Variants in ATP8B4 observed in about 807,000 individuals in gnomAD.
ATP8B4 encodes the protein probable phospholipid-transporting ATPase IM.
In ATP8B4, 133 loss-of-function variants were observed where a neutral mutation model predicts 145.6. The observed-to-expected ratio is 0.91, with a 90% confidence interval of 0.79 to 1.05. The LOEUF (loss-of-function observed/expected upper bound fraction) is 1.05, where lower values mean the gene tolerates loss of function less well. Among genes scored for constraint, ATP8B4 ranks in the 50% least tolerant of loss-of-function variants. The pLI, the probability that ATP8B4 is intolerant of heterozygous loss-of-function variation, is 0.00. For synonymous variants in ATP8B4, 507 were observed against 492.9 expected, an observed-to-expected ratio of 1.03 and a Z score of -0.38; for missense variants, 1,458 against 1,425.2, an observed-to-expected ratio of 1.02 and a Z score of -0.37.
intron 2 of ATP8B4, among the ~76,000 whole-genome samples, chr15:50,106,452 G>T (rs1285115221): frequency 6.6e-6 from 1 of 152,172 alleles, no homozygotes; most frequent in Non-Finnish European, 1.5e-5. Flanking sequence ...CTGCTATCAT[G>T]ATCAAAATTA....
At chr15:50,173,170 C>T (rs1452171942) in intron 1 of ATP8B4, among the ~76,000 whole-genome samples, 2 of 152,090 alleles carry the variant, frequency 1.3e-5, no homozygotes, top group East Asian at 1.9e-4. Flanking sequence ...CCCCTCTGCC[C>T]GGCCGCCACC....
chr15:50,072,436 T>C (rs2053802102), intron 3 of ATP8B4, among the ~76,000 whole-genome samples: 1 of 152,160 alleles, frequency 6.6e-6, no homozygotes, highest in Non-Finnish European at 1.5e-5. Context: ...TGAAGGCCCA[T>C]GATGTAATTC....
At chr15:49,968,149 C>T (rs1252539655) in intron 13 of ATP8B4, among the ~76,000 whole-genome samples, 1 of 152,126 alleles carries the variant, frequency 6.6e-6, no homozygotes, top group Non-Finnish European at 1.5e-5. Flanking sequence ...AAGGAAAAAC[C>T]CATACCAGCC....
intron 1 of ATP8B4, among the ~76,000 whole-genome samples, chr15:50,177,875 T>G (rs1369531132): frequency 6.6e-6 from 1 of 152,178 alleles, no homozygotes; most frequent in Non-Finnish European, 1.5e-5. Flanking sequence ...CTACTTCATC[T>G]CCATAAAGTA....
chr15:50,063,251 C>T (rs2053154303), intron 3 of ATP8B4, among the ~76,000 whole-genome samples: 1 of 151,972 alleles, frequency 6.6e-6, no homozygotes, highest in Admixed American at 6.6e-5. Flanking sequence ...AGGGAGGTCT[C>T]TAGTGATAAG....
At chr15:49,943,048 T>C (rs1359433865) in intron 14 of ATP8B4, among the ~76,000 whole-genome samples, 1 of 151,850 alleles carries the variant, frequency 6.6e-6, no homozygotes, top group Non-Finnish European at 1.5e-5. Context: ...TAAAAACAAA[T>C]TTTGGAGCTG....
rs575095553 is a variant in ATP8B4 at position 50,036,349 on chromosome 15, T to A, written c.362+2419A>T. ...CCAACCTGAGGCAGGAGAGCTGCTGTTTGACGCTCGTGCGCCAGTTGGTCA... is the reference window on the plus strand; with the variant it reads ...CCAACCTGAGGCAGGAGAGCTGCTGATTGACGCTCGTGCGCCAGTTGGTCA... On this transcript the variant is annotated intron_variant, in intron 6 of 27. Coordinates refer to ENST00000284509, the MANE Select transcript of ATP8B4 (RefSeq NM_024837.4). Among the ~76,000 whole-genome samples, 7 of 152,286 alleles carry A rather than the reference T, an allele frequency of 4.6e-5. No individual in the cohort carries two copies. The South Asian group carries it at 1.2e-3, about 27-fold the overall frequency.
chr15:50,151,229 C>G (rs939004549), intron 1 of ATP8B4, among the ~76,000 whole-genome samples: 2 of 152,166 alleles, frequency 1.3e-5, no homozygotes, highest in African/African-American at 4.8e-5. Flanking sequence ...AAAAACAATG[C>G]ACAGAGTTAC....
intron 20 of ATP8B4, among the ~76,000 whole-genome samples, chr15:49,915,733 T>C (rs1052228635): frequency 6.6e-6 from 1 of 152,076 alleles, no homozygotes; most frequent in African/African-American, 2.4e-5. Context: ...AATAATAATA[T>C]TTAAATTATA....
chr15:49,981,181 G>C lies in ATP8B4; in HGVS notation c.837+25C>G, dbSNP rs755778327. The C allele has an allele frequency of 4.1e-6, 6 of 1,469,758 alleles. No individual in the cohort carries two copies. In the South Asian group the frequency reaches 6.9e-5, roughly 17 times the overall value. 91.0% of individuals were successfully genotyped at this position (1,469,758 alleles called of 1,614,324 possible). On this transcript the variant is annotated intron_variant, in intron 11 of 27. Transcript: ENST00000284509. ...ATGTACTAAGATAACAATGACTAGT[G>C]ATATTGCCTAGTTTTGTAACTTACC...
intron 2 of ATP8B4, among the ~76,000 whole-genome samples, chr15:50,087,339 A>AGTAG (rs1555485669): frequency 7.5e-6 from 1 of 133,912 alleles, no homozygotes. Context: ...ATTTATATAT[A>AGTAG]ATATAGATCT....
intron 14 of ATP8B4, among the ~76,000 whole-genome samples, chr15:49,952,690 A>G (rs778561068): frequency 7.9e-5 from 12 of 152,184 alleles, no homozygotes; most frequent in Non-Finnish European, 1.3e-4. Context: ...TCTGAAGCCT[A>G]CATCTACCAA....
chr15:50,022,025 A>T (rs2049615646), intron 6 of ATP8B4, among the ~76,000 whole-genome samples: 1 of 152,222 alleles, frequency 6.6e-6, no homozygotes, highest in African/African-American at 2.4e-5. Context: ...GACAGGATGA[A>T]TCATTGTAAG....
chr15:50,088,229 T>C (rs2055347592), intron 2 of ATP8B4, among the ~76,000 whole-genome samples: 1 of 151,848 alleles, frequency 6.6e-6, no homozygotes, highest in African/African-American at 2.4e-5. Flanking sequence ...CTACTAAAAA[T>C]ACAATTAGCT....
At chr15:50,068,619 A>G (rs928654367) in intron 3 of ATP8B4, among the ~76,000 whole-genome samples, 1 of 152,218 alleles carries the variant, frequency 6.6e-6, no homozygotes, top group Non-Finnish European at 1.5e-5. Flanking sequence ...ACCTTTGTGC[A>G]TTAAATATAT....
chr15:49,883,993 A>ATT (rs982251282), intron 23 of ATP8B4, among the ~76,000 whole-genome samples: 1 of 152,172 alleles, frequency 6.6e-6, no homozygotes, highest in African/African-American at 2.4e-5. Context: ...GGTGTCTTCT[A>ATT]TTATGTTAAC....
chr15:49,898,954 T>C (rs10459590), intron 21 of ATP8B4, among the ~76,000 whole-genome samples: 23,323 of 152,110 alleles, frequency 0.15, 1,883 homozygotes, highest in South Asian at 0.26. Context: ...AATTTTTTTT[T>C]CCTAGAAAAT....
At chr15:49,894,928 G>A (rs1334524450) in intron 23 of ATP8B4, 2 of 152,196 alleles carry the variant, frequency 1.3e-5, no homozygotes, top group Non-Finnish European at 2.9e-5. Context: ...CAGATGTATC[G>A]ATGAGTTAGA....
Position 49,889,821 on chromosome 15 carries a change from T to C in ATP8B4, c.2697+7471A>G, listed in dbSNP as rs79483032. Among the ~76,000 whole-genome samples, 998 of 152,330 alleles carry C rather than the reference T, an allele frequency of 6.6e-3. 11 individuals carry two copies. Among genetic ancestry groups the C allele is most frequent in the African/African-American group, 0.023 (950 of 41,558 alleles). On this transcript the variant is annotated intron_variant, in intron 23 of 27. Coordinates refer to ENST00000284509, the MANE Select transcript of ATP8B4 (RefSeq NM_024837.4). ...AAGCTGGTGTTTTAGAAAGTCAACA[T>C]TGTGTCTTAAAAAACACAATCTGTT...
Sources: allele counts gnomAD v4.1 joint callset (sites outside exome capture counted in the v4.1 genomes callset), GRCh38; gene constraint gnomAD v4.1.1; transcripts MANE v1.5; gene names NCBI Gene and HGNC (gene_info 2026-07-23, HGNC 2026-07-21).